Variants in XPO5 observed in about 807,000 individuals in gnomAD.
The protein encoded by XPO5 is exportin 5.
Under a neutral mutation model 160.6 loss-of-function variants are expected in XPO5, and 46 were observed. The ratio of observed to expected loss-of-function variants is 0.29; its 90% CI spans 0.23 to 0.37. The LOEUF is 0.37. Ranked by LOEUF, XPO5 falls within the 10% of genes least tolerant of loss-of-function variation. XPO5 has a pLI of 1.00. For synonymous variants in XPO5, 537 were observed against 519.3 expected, an observed-to-expected ratio of 1.03 and a Z score of -0.46; for missense variants, 1,090 against 1,463.9, an observed-to-expected ratio of 0.74 and a Z score of 4.17.
chr6:43,536,341 G>A (rs1253180094), intron 20 of XPO5, among the ~76,000 whole-genome samples: 1 of 151,022 alleles, frequency 6.6e-6, no homozygotes, highest in African/African-American at 2.4e-5. Context: ...CTTGAACCCA[G>A]GAGGCGGAAA....
chr6:43,550,032 C>T lies in XPO5; in HGVS notation c.1729-98G>A, dbSNP rs73426772. The T allele has an allele frequency of 1.5e-3, 1,919 of 1,263,886 alleles. 17 individuals are homozygous for T. The African/African-American group carries it at 0.019, about 13-fold the overall frequency. 78.3% of individuals were successfully genotyped at this position (1,263,886 alleles called of 1,614,324 possible). On this transcript the variant is annotated intron_variant, in intron 15 of 31. Transcript: ENST00000265351. ...ACTAGACTTGAATTCCTGGGCTCAA[C>T]TGATTCTCCTGCTTTAGCCTTCTGA...
At chr6:43,542,065 G>A (rs932758427) in intron 20 of XPO5, among the ~76,000 whole-genome samples, 3 of 152,138 alleles carry the variant, frequency 2.0e-5, no homozygotes, top group Non-Finnish European at 4.4e-5. Context: ...TTACATGCAT[G>A]AGCCACCGCA....
At chr6:43,573,300 A>G in intron 2 of XPO5, 180 bp downstream of exon 2, 1 of 794,766 alleles carries the variant, frequency 1.3e-6, no homozygotes, top group South Asian at 2.1e-5. Flanking sequence ...GAAACTGAAG[A>G]AAAGAAAGGT....
At position 43,539,526 on chromosome 6, in the gene XPO5, A is replaced by T; in HGVS notation, c.2343-5519T>A. 4 of 1,517,934 alleles carry T rather than the reference A, an allele frequency of 2.6e-6. No individual in the cohort carries two copies. The South Asian group carries it at 3.4e-5, about 13-fold the overall frequency. The allele number at this position is 1,517,934 out of a possible 1,614,324, so 94.0% of individuals were successfully genotyped here. On this transcript the variant is annotated intron_variant, in intron 20 of 31. Coordinates refer to ENST00000265351, the MANE Select transcript of XPO5 (RefSeq NM_020750.3). ...CGGCCCAGCTTGGTGACGGGCATCC[A>T]CTCCTTATCTTTGGCCTTGCCTCCG...
At position 43,571,014 on chromosome 6, in the gene XPO5, A is replaced by G. The variant is rs768099976; in HGVS notation, c.301-20T>C. 6.2e-7 allele frequency: 1 copy of G among 1,604,690 alleles called. No homozygotes were observed. Among genetic ancestry groups the G allele is most frequent in the South Asian group, 1.1e-5 (1 of 89,358 alleles). ...TGTTCCCTGAAAAAGAACAAGAGAT[A>G]TTAAGAGATATGCAAGACTGGATTC... is the stretch of plus-strand genomic sequence containing the variant. On this transcript the variant is annotated intron_variant, in intron 3 of 31. Transcript: ENST00000265351.
intron 21 of XPO5, among the ~76,000 whole-genome samples, chr6:43,532,789 G>C (rs1212024391): frequency 6.6e-6 from 1 of 152,152 alleles, no homozygotes; most frequent in Non-Finnish European, 1.5e-5. Flanking sequence ...AATTATGACT[G>C]CACAGTTATT....
intron 15 of XPO5, 32 bp from the exon 16 acceptor site, chr6:43,549,966 GTTTA>G (rs1443006635): frequency 1.9e-6 from 3 of 1,605,116 alleles, no homozygotes; most frequent in South Asian, 2.2e-5. Flanking sequence ...GGTCACTCAT[GTTTA>G]TTTGTTTTAG....
intron 7 of XPO5, among the ~76,000 whole-genome samples, chr6:43,566,386 T>G (rs1012259760): frequency 1.3e-5 from 2 of 151,694 alleles, no homozygotes; most frequent in African/African-American, 4.8e-5. Context: ...AGAACGAGAC[T>G]CCATCTCAAA....
chr6:43,531,870 G>A (rs1218860933), intron 21 of XPO5, among the ~76,000 whole-genome samples: 3 of 152,018 alleles, frequency 2.0e-5, no homozygotes, highest in Non-Finnish European at 4.4e-5. Context: ...ATAAAGCTCT[G>A]GGGATGCTCC....
At chr6:43,526,072 A>C in intron 27 of XPO5, 151 bp from the exon 28 acceptor site, 1 of 686,354 alleles carries the variant, frequency 1.5e-6, no homozygotes. Context: ...CCTCCACATA[A>C]TGCCCATGCC....
At chr6:43,545,689 CAAAGTGA>C (rs1794930943) in intron 20 of XPO5, among the ~76,000 whole-genome samples, 1 of 151,036 alleles carries the variant, frequency 6.6e-6, no homozygotes, top group African/African-American at 2.5e-5. Context: ...GCCTGGGTGA[CAAAGTGA>C]GACTCTGTCT....
At chr6:43,567,967 G>GTT (rs796357128) in intron 6 of XPO5, among the ~76,000 whole-genome samples, 4 of 135,462 alleles carry the variant, frequency 3.0e-5, no homozygotes, top group East Asian at 2.1e-4. Flanking sequence ...GTCTGTTTTT[G>GTT]TTTTTTTTTT....
rs1340113717 is a variant in XPO5 at position 43,522,691 on chromosome 6, A to G, written c.*1177T>C. 4.1e-6 allele frequency: 2 copies of G among 493,482 alleles called. No individual in the cohort carries two copies. The highest frequency in any genetic ancestry group is 4.2e-6 in the Non-Finnish European group (1 of 235,890). 30.6% of individuals were successfully genotyped at this position (493,482 alleles called of 1,614,324 possible). ...CAGCTAAAAACTGTAGCTTCAGTCC[A>G]CTTCGGCTCTCGGGGAAACCCTCTT... On this transcript the variant is annotated 3_prime_UTR_variant, in exon 32 of 32. Coordinates refer to ENST00000265351, the MANE Select transcript of XPO5 (RefSeq NM_020750.3).
In XPO5 at chr6:43,547,590, T is replaced by C. The variant is rs748846018; in HGVS notation, c.2160+18A>G. 2.5e-6 allele frequency: 4 copies of C among 1,611,034 alleles called. No homozygotes were observed. In the African/African-American group the frequency reaches 5.3e-5, roughly 22 times the overall value. The stretch of plus-strand genomic sequence containing the variant: ...TACCCATGGCCAATGCCACTTCCCA[T>C]TCCCAGGAAAGTCTTACTCGTGCAC... On this transcript the variant is annotated intron_variant, in intron 19 of 31. Transcript: ENST00000265351.
rs111408497 is a variant in XPO5, at chr6:43,573,823, A to AT, written c.106-223dup. Among the ~76,000 whole-genome samples, 512 of 126,154 alleles carry AT rather than the reference A, an allele frequency of 4.1e-3. 5 individuals carry two copies. The highest frequency in any genetic ancestry group is 0.032 in the East Asian group (142 of 4,454). 82.8% of individuals were successfully genotyped at this position (126,154 alleles called of 152,430 possible). A position where few individuals can be genotyped will look rare whatever the true frequency, so the allele number is the denominator to read the frequency against. On this transcript the variant is annotated intron_variant, in intron 1 of 31. Transcript: ENST00000265351. ...CTATTAAATATATATATATATATATATTTTTTTTTTTTTTTTTTGAGACGG... is the reference window on the plus strand; with the variant it reads ...CTATTAAATATATATATATATATATATTTTTTTTTTTTTTTTTTTGAGACGG...
At chr6:43,526,461 ATATATGGT>A in intron 27 of XPO5, 1 of 575,646 alleles carries the variant, frequency 1.7e-6, no homozygotes. Flanking sequence ...AAAAGATCAC[ATATATGGT>A]TGGGAGGAAA....
chr6:43,570,589 G>C lies in XPO5; in HGVS notation c.534C>G (p.Ile178Met). ...CCATGTTCTGGGTTAATGTTTGCTG[G>C]ATGTCCCTTCTTCTTTGAGGGGGAA... is the stretch of plus-strand genomic sequence containing the variant. ...QTLPPQRRRD[I>M]QQTLTQNMER... The change falls in exon 5 of 32, where the codon ATC becomes ATG. Residue 178 changes from isoleucine to methionine, a missense_variant. Physicochemically the swap from Ile to Met is conservative, Grantham distance 10 (BLOSUM62 1). This residue lies in a region of XPO5 where 170 missense variants were observed against 227.0 expected (regional missense o/e 0.75). Coordinates refer to ENST00000265351, the MANE Select transcript of XPO5 (RefSeq NM_020750.3). 1.2e-6 allele frequency: 2 copies of C among 1,613,790 alleles called. No homozygotes were observed. The highest frequency in any genetic ancestry group is 8.5e-7 in the Non-Finnish European group (1 of 1,179,826).
chr6:43,573,821 ATATTTTT>A (rs1453976949), intron 1 of XPO5, among the ~76,000 whole-genome samples: 115 of 122,688 alleles, frequency 9.4e-4, no homozygotes, highest in African/African-American at 3.8e-3. Context: ...ATATATATAT[ATATTTTT>A]TTTTTTTTTT....
At chr6:43,537,402 C>A (rs1200665977) in intron 20 of XPO5, among the ~76,000 whole-genome samples, 1 of 152,098 alleles carries the variant, frequency 6.6e-6, no homozygotes, top group Non-Finnish European at 1.5e-5. Context: ...TGCTAAAAAA[C>A]TGAACTGGTA....
Sources: allele counts gnomAD v4.1 joint callset (sites outside exome capture counted in the v4.1 genomes callset), GRCh38; gene constraint gnomAD v4.1.1; regional missense constraint gnomAD v4.1.1; transcripts MANE v1.5; gene names NCBI Gene and HGNC (gene_info 2026-07-23, HGNC 2026-07-21).